TMEM132C: variants seen among roughly 807,000 people sequenced by gnomAD.
The protein encoded by TMEM132C is transmembrane protein 132C.
Under a neutral mutation model 61.4 loss-of-function variants are expected in TMEM132C, and 29 were observed. The ratio of observed to expected loss-of-function variants is 0.47; its 90% CI spans 0.35 to 0.64. The LOEUF (loss-of-function observed/expected upper bound fraction) is 0.64. Among genes scored for constraint, TMEM132C ranks in the 30% least tolerant of loss-of-function variants. The pLI is 0.00. For synonymous variants in TMEM132C, 656 were observed against 633.1 expected, an observed-to-expected ratio of 1.04 and a Z score of -0.54; for missense variants, 1,408 against 1,476.9, an observed-to-expected ratio of 0.95 and a Z score of 0.76.
At chr12:128,382,440 G>A (rs1416030130) in intron 1 of TMEM132C, among the ~76,000 whole-genome samples, 3 of 152,204 alleles carry the variant, frequency 2.0e-5, no homozygotes, top group Non-Finnish European at 4.4e-5. Context: ...TTGAACCATG[G>A]CGAGTGTGAC....
intron 2 of TMEM132C, among the ~76,000 whole-genome samples, chr12:128,449,618 A>G (rs7135085): frequency 0.25 from 38,208 of 152,086 alleles, 6,355 homozygotes; most frequent in African/African-American, 0.48. Context: ...CAGTTTTCCA[A>G]TGTGCAAGGC....
chr12:128,591,369 A>G (rs749025696), intron 3 of TMEM132C, among the ~76,000 whole-genome samples: 1 of 152,036 alleles, frequency 6.6e-6, no homozygotes, highest in Non-Finnish European at 1.5e-5. Context: ...CATAGTGTGT[A>G]GCCTTTTGTT....
At chr12:128,321,485 G>A (rs1030005691) in intron 1 of TMEM132C, among the ~76,000 whole-genome samples, 2 of 152,186 alleles carry the variant, frequency 1.3e-5, no homozygotes, top group Non-Finnish European at 2.9e-5. Flanking sequence ...AGATGGAGAG[G>A]GTGGTGGAGG....
At chr12:128,537,297 G>C (rs1353503810) in intron 2 of TMEM132C, among the ~76,000 whole-genome samples, 5 of 152,186 alleles carry the variant, frequency 3.3e-5, no homozygotes, top group African/African-American at 4.8e-5. Context: ...GCAGTATCAG[G>C]CAGTCTTTGG....
At chr12:128,583,879 ATGAG>A (rs1875441370) in intron 3 of TMEM132C, among the ~76,000 whole-genome samples, 1 of 152,188 alleles carries the variant, frequency 6.6e-6, no homozygotes, top group Non-Finnish European at 1.5e-5. Context: ...AAAAAGCTGA[ATGAG>A]GAGTCTTCCC....
chr12:128,547,565 CAAAAA>C (rs34135152), intron 3 of TMEM132C, among the ~76,000 whole-genome samples: 2 of 67,616 alleles, frequency 3.0e-5, no homozygotes, highest in Admixed American at 1.7e-4. Flanking sequence ...CTCTGTCTCA[CAAAAA>C]AAAAAAAAAA....
In TMEM132C at chr12:128,421,350, C is replaced by T. The variant is rs1419484913; in HGVS notation, c.974+5730C>T. Among the ~76,000 whole-genome samples the T allele has an allele frequency of 2.0e-5, 3 of 152,190 alleles. No homozygotes were observed. The East Asian group carries it at 5.8e-4, about 29-fold the overall frequency. On this transcript the variant is annotated intron_variant, in intron 2 of 8. Coordinates refer to ENST00000435159, the MANE Select transcript of TMEM132C (RefSeq NM_001136103.3). ...CTGCCGGTTAGATCACAGGAGAAAT[C>T]CACCCAGGTCACAGAATGTTGGATC...
intron 2 of TMEM132C, among the ~76,000 whole-genome samples, chr12:128,512,630 TG>T (rs1872601584): frequency 6.6e-6 from 1 of 152,140 alleles, no homozygotes; most frequent in Admixed American, 6.5e-5. Flanking sequence ...GAGTTAGCTG[TG>T]GGGTAAATTC....
rs938150640 is a variant in TMEM132C at position 128,503,336 on chromosome 12, T to A, written c.975-40621T>A. Reference sequence around the variant, plus strand: ...ATTCAAAACAATGAGGAATTTTAAGTGTAGGCGAGGAGCCGAGGTTTCTGG... The same window carrying A: ...ATTCAAAACAATGAGGAATTTTAAGAGTAGGCGAGGAGCCGAGGTTTCTGG... On this transcript the variant is annotated intron_variant, in intron 2 of 8. Coordinates refer to ENST00000435159, the MANE Select transcript of TMEM132C (RefSeq NM_001136103.3). Among the ~76,000 whole-genome samples, 4 of 152,214 alleles carry A rather than the reference T, an allele frequency of 2.6e-5. No individual in the cohort carries two copies. In the East Asian group the frequency reaches 7.7e-4, roughly 29 times the overall value.
intron 1 of TMEM132C, among the ~76,000 whole-genome samples, chr12:128,360,200 C>T (rs1039732950): frequency 2.0e-5 from 3 of 150,206 alleles, no homozygotes; most frequent in Non-Finnish European, 3.0e-5. Context: ...GAATCAAATG[C>T]GAAGTGAGTA....
chr12:128,448,227 A>G (rs1412620689), intron 2 of TMEM132C, among the ~76,000 whole-genome samples: 1 of 152,204 alleles, frequency 6.6e-6, no homozygotes, highest in Non-Finnish European at 1.5e-5. Flanking sequence ...CCCTAATGAT[A>G]TAGCTACTGA....
chr12:128,490,742 C>T (rs1398909323), intron 2 of TMEM132C, among the ~76,000 whole-genome samples: 1 of 152,154 alleles, frequency 6.6e-6, no homozygotes, highest in Non-Finnish European at 1.5e-5. Flanking sequence ...AGAACTAGCT[C>T]TGGCTCTGTA....
chr12:128,343,541 T>C (rs1873047854), intron 1 of TMEM132C, among the ~76,000 whole-genome samples: 1 of 152,212 alleles, frequency 6.6e-6, no homozygotes, highest in African/African-American at 2.4e-5. Context: ...TATCTTATCC[T>C]GTTGTTGAGG....
At chr12:128,481,591 C>G (rs1034748235) in intron 2 of TMEM132C, among the ~76,000 whole-genome samples, 20 of 152,238 alleles carry the variant, frequency 1.3e-4, no homozygotes, top group Non-Finnish European at 8.8e-5. Flanking sequence ...GTTCATGGCT[C>G]CAAGCCGCAC....
intron 2 of TMEM132C, among the ~76,000 whole-genome samples, chr12:128,469,180 T>C (rs1467767165): frequency 1.3e-5 from 2 of 152,298 alleles, no homozygotes; most frequent in East Asian, 3.9e-4. Flanking sequence ...GCCTAAGCCA[T>C]TTCCAGAAGA....
intron 2 of TMEM132C, among the ~76,000 whole-genome samples, chr12:128,538,057 C>T (rs1873596432): frequency 6.6e-6 from 1 of 151,978 alleles, no homozygotes. Context: ...CAGCTTCCCC[C>T]ATAGCTGGGA....
At chr12:128,296,789 A>G (rs950132686) in intron 1 of TMEM132C, among the ~76,000 whole-genome samples, 1 of 152,184 alleles carries the variant, frequency 6.6e-6, no homozygotes, top group Non-Finnish European at 1.5e-5. Flanking sequence ...AAATTGATGC[A>G]TTTCTTTAAT....
chr12:128,471,488 C>A (rs73422505), intron 2 of TMEM132C, among the ~76,000 whole-genome samples: 10,725 of 152,242 alleles, frequency 0.07, 445 homozygotes, highest in Middle Eastern at 0.1. Context: ...AGCTCTGCCC[C>A]TGGCCCTAGG....
intron 2 of TMEM132C, among the ~76,000 whole-genome samples, chr12:128,436,070 T>C (rs1869578380): frequency 2.0e-5 from 3 of 152,136 alleles, no homozygotes; most frequent in African/African-American, 7.2e-5. Flanking sequence ...ATTTAATAAA[T>C]GGTGCTGGGA....
Sources: gnomAD v4.1 joint callset for allele counts (sites outside exome capture counted in the v4.1 genomes callset) on GRCh38, gnomAD v4.1.1 for gene constraint, MANE v1.5 for transcripts, NCBI Gene and HGNC (gene_info 2026-07-23, HGNC 2026-07-21) for gene names.